PPARGC1A: variants seen among roughly 807,000 people sequenced by gnomAD.
PPARGC1A encodes peroxisome proliferator-activated receptor gamma coactivator 1-alpha.
In PPARGC1A, 25 loss-of-function variants were observed where a neutral mutation model predicts 88.7. The ratio of observed to expected loss-of-function variants is 0.28; its 90% CI spans 0.21 to 0.39. The LOEUF (loss-of-function observed/expected upper bound fraction) is 0.39. Among genes scored for constraint, PPARGC1A ranks in the 10% least tolerant of loss-of-function variants. The pLI is 1.00. For synonymous variants in PPARGC1A, 363 were observed against 355.6 expected, an observed-to-expected ratio of 1.02 and a Z score of -0.24; for missense variants, 880 against 968.7, an observed-to-expected ratio of 0.91 and a Z score of 1.22.
the PPARGC1A span, among the ~76,000 whole-genome samples, chr4:24,207,761 G>C: frequency 7.2e-5 from 11 of 152,186 alleles, no homozygotes; most frequent in Admixed American, 2.0e-4. Context: ...CCACAAAAGT[G>C]TTCTAATTTT....
the PPARGC1A span, among the ~76,000 whole-genome samples, chr4:24,104,820 A>G: frequency 6.6e-6 from 1 of 152,338 alleles, no homozygotes; most frequent in African/African-American, 2.4e-5. Flanking sequence ...ACAGCTAAAG[A>G]AAGGAATCTG....
At chr4:24,405,326 A>C in the PPARGC1A span, among the ~76,000 whole-genome samples, 3 of 152,132 alleles carry the variant, frequency 2.0e-5, no homozygotes, top group Admixed American at 6.5e-5. Flanking sequence ...CCCTCCCCCC[A>C]AAAAGTTTTT....
chr4:23,928,785 A>AC, the PPARGC1A span, among the ~76,000 whole-genome samples: 9 of 149,944 alleles, frequency 6.0e-5, no homozygotes, highest in South Asian at 2.1e-4. Context: ...AAAAACAACA[A>AC]AAAAAAAAAC....
the PPARGC1A span, among the ~76,000 whole-genome samples, chr4:24,171,838 T>C: frequency 1.3e-5 from 2 of 152,248 alleles, no homozygotes; most frequent in Non-Finnish European, 2.9e-5. Flanking sequence ...CACAGTCACC[T>C]TACATATTGA....
At chr4:24,427,556 A>C in the PPARGC1A span, among the ~76,000 whole-genome samples, 550 of 152,176 alleles carry the variant, frequency 3.6e-3, 2 homozygotes, top group African/African-American at 0.013. Flanking sequence ...TTTTCAGGTG[A>C]AACACTCAAG....
At chr4:24,194,608 A>G in the PPARGC1A span, among the ~76,000 whole-genome samples, 8 of 78,092 alleles carry the variant, frequency 1.0e-4, no homozygotes, top group Non-Finnish European at 2.6e-4. Context: ...GTGGGCTGGC[A>G]CACACGCGCG....
chr4:24,213,735 G>T, the PPARGC1A span, among the ~76,000 whole-genome samples: 1 of 152,222 alleles, frequency 6.6e-6, no homozygotes, highest in African/African-American at 2.4e-5. Context: ...TTGTGTGTGT[G>T]TGTGTAACAC....
Position 23,890,001 on chromosome 4 carries a change from C to T in PPARGC1A, c.-44G>A. On this transcript the variant is annotated 5_prime_UTR_variant, in exon 1 of 13. It introduces an in-frame stop codon into an upstream open reading frame of the 5' UTR. Coordinates refer to ENST00000264867, the MANE Select transcript of PPARGC1A (RefSeq NM_013261.5). Reference sequence around the variant, plus strand: ...CAGTCAAGCTTTTTCAACTCCAATCCACAGTGACACAGAGCACACACTCAT... The same window carrying T: ...CAGTCAAGCTTTTTCAACTCCAATCTACAGTGACACAGAGCACACACTCAT... 1 of 1,611,904 alleles carries T rather than the reference C, an allele frequency of 6.2e-7. No homozygotes were observed. The highest frequency in any genetic ancestry group is 8.5e-7 in the Non-Finnish European group (1 of 1,178,952).
the PPARGC1A span, among the ~76,000 whole-genome samples, chr4:24,104,990 A>G: frequency 6.6e-6 from 1 of 152,216 alleles, no homozygotes; most frequent in South Asian, 2.1e-4. Flanking sequence ...TGCATATTAA[A>G]TCACAGTGTG....
chr4:24,472,062 G>C, the PPARGC1A span, among the ~76,000 whole-genome samples: 1 of 152,190 alleles, frequency 6.6e-6, no homozygotes, highest in Non-Finnish European at 1.5e-5. The surrounding 1 kb of genome is among the most constrained non-coding windows in gnomAD (Gnocchi z 4.5). Context: ...GTTCTGCCTG[G>C]AGTTGTTCGG....
chr4:24,286,130 G>A, the PPARGC1A span, among the ~76,000 whole-genome samples: 1 of 150,852 alleles, frequency 6.6e-6, no homozygotes, highest in Admixed American at 6.6e-5. Context: ...TGTCTCGGTG[G>A]GAAAATACCC....
intron 12 of PPARGC1A, 152 bp downstream of exon 12, chr4:23,801,578 G>T: frequency 1.1e-6 from 1 of 881,834 alleles, no homozygotes; most frequent in Non-Finnish European, 1.7e-6. Context: ...TTCTGAAACT[G>T]TCTTATACGT....
chr4:24,402,394 C>A, the PPARGC1A span, among the ~76,000 whole-genome samples: 1 of 152,280 alleles, frequency 6.6e-6, no homozygotes, highest in South Asian at 2.1e-4. Context: ...CAACAACAGC[C>A]GCCATTTAAC....
the PPARGC1A span, among the ~76,000 whole-genome samples, chr4:24,280,329 CA>C: frequency 3.3e-5 from 5 of 152,176 alleles, no homozygotes; most frequent in South Asian, 1.0e-3. Context: ...AAACAAATGC[CA>C]AATAAAGAAA....
chr4:24,338,390 T>C, the PPARGC1A span, among the ~76,000 whole-genome samples: 1 of 152,178 alleles, frequency 6.6e-6, no homozygotes. Context: ...AATGAGAATA[T>C]ATTTGCTGGG....
At chr4:23,804,124 C>CT (rs1393307492) in intron 10 of PPARGC1A, among the ~76,000 whole-genome samples, 1 of 152,140 alleles carries the variant, frequency 6.6e-6, no homozygotes, top group African/African-American at 2.4e-5. Context: ...AATCAACTGT[C>CT]TACTTGACAT....
chr4:24,425,822 C>T, the PPARGC1A span, among the ~76,000 whole-genome samples: 1 of 152,084 alleles, frequency 6.6e-6, no homozygotes, highest in African/African-American at 2.4e-5. Context: ...GTCATGGTGC[C>T]GAATTCCTGA....
the PPARGC1A span, among the ~76,000 whole-genome samples, chr4:23,932,733 G>T: frequency 1.3e-5 from 2 of 152,056 alleles, no homozygotes; most frequent in South Asian, 4.2e-4. Flanking sequence ...ATTTCATGGA[G>T]AACTTAAGAG....
the PPARGC1A span, among the ~76,000 whole-genome samples, chr4:23,947,499 T>C: frequency 6.6e-6 from 1 of 151,234 alleles, no homozygotes; most frequent in Non-Finnish European, 1.5e-5. Flanking sequence ...AACTGGGCAG[T>C]GTAACCCCAG....
Sources: allele counts gnomAD v4.1 joint callset (sites outside exome capture counted in the v4.1 genomes callset), GRCh38; gene constraint gnomAD v4.1.1; non-coding constraint Gnocchi (gnomAD v3.1); transcripts MANE v1.5; gene names NCBI Gene and HGNC (gene_info 2026-07-23, HGNC 2026-07-21).